The following TTC28 variants were observed in gnomAD, a reference collection of about 807,000 sequenced individuals.
The protein encoded by TTC28 is tetratricopeptide repeat protein 28.
In TTC28, 61 loss-of-function variants were observed where a neutral mutation model predicts 198.0. The ratio of observed to expected loss-of-function variants is 0.31; its 90% CI spans 0.25 to 0.38. The LOEUF (loss-of-function observed/expected upper bound fraction) is 0.38, where lower values mean the gene tolerates loss of function less well. Among genes scored for constraint, TTC28 ranks in the 10% least tolerant of loss-of-function variants. The pLI is 1.00. For synonymous variants in TTC28, 1,171 were observed against 1,297.8 expected (o/e 0.90, Z 2.10); for missense variants, 2,678 against 3,164.0 (o/e 0.85, Z 3.69).
At chr22:28,656,203 A>C (rs1190281289) in intron 1 of TTC28, among the ~76,000 whole-genome samples, 1 of 152,174 alleles carries the variant, frequency 6.6e-6, no homozygotes, top group Non-Finnish European at 1.5e-5. Flanking sequence ...TGGTTTTTCT[A>C]ATTTCCCAGG....
At chr22:28,040,766 T>C (rs1385667865) in intron 12 of TTC28, among the ~76,000 whole-genome samples, 1 of 152,084 alleles carries the variant, frequency 6.6e-6, no homozygotes, top group African/African-American at 2.4e-5. Flanking sequence ...AAATAAAGGG[T>C]ATTCAATTAG....
At chr22:28,018,510 C>A (rs73880371) in intron 13 of TTC28, among the ~76,000 whole-genome samples, 13,696 of 152,280 alleles carry the variant, frequency 0.09, 725 homozygotes, top group Non-Finnish European at 0.11. Context: ...CAGCAGCAGC[C>A]TTCGCAGTCC....
At position 28,314,300 on chromosome 22, in the gene TTC28, T is replaced by C. The variant is rs184758261; in HGVS notation, c.382-7657A>G. ...TGGCCTTATTACCCAAAGTAATTTATAGATTCAATGTTAATCTCCATCAAG... is the reference window on the plus strand; with the variant it reads ...TGGCCTTATTACCCAAAGTAATTTACAGATTCAATGTTAATCTCCATCAAG... On this transcript the variant is annotated intron_variant, in intron 2 of 22. Coordinates refer to ENST00000397906, the MANE Select transcript of TTC28 (RefSeq NM_001145418.2). 1.2e-3 allele frequency among the ~76,000 whole-genome samples: 181 copies of C among 152,306 alleles called. 1 individual carries two copies. The highest frequency in any genetic ancestry group is 4.1e-3 in the African/African-American group (171 of 41,580).
intron 13 of TTC28, among the ~76,000 whole-genome samples, chr22:28,023,776 G>A (rs374697138): frequency 7.2e-5 from 11 of 152,172 alleles, no homozygotes; most frequent in African/African-American, 2.7e-4. Flanking sequence ...TGTGGGGCCG[G>A]AGCACTGTCT....
At chr22:28,045,255 T>C (rs1569104667) in intron 12 of TTC28, among the ~76,000 whole-genome samples, 1 of 152,258 alleles carries the variant, frequency 6.6e-6, no homozygotes, top group Non-Finnish European at 1.5e-5. Context: ...TTGGAATATT[T>C]ACCAGCTGAG....
At chr22:28,227,943 A>T (rs561458756) in intron 5 of TTC28, among the ~76,000 whole-genome samples, 23 of 152,338 alleles carry the variant, frequency 1.5e-4, no homozygotes, top group African/African-American at 5.5e-4. Flanking sequence ...ATTATTCACA[A>T]TAGCCCAAAG....
At chr22:28,008,117 C>T (rs1382690794) in intron 14 of TTC28, 1 of 152,342 alleles carries the variant, frequency 6.6e-6, no homozygotes, top group Non-Finnish European at 1.5e-5. Flanking sequence ...ATTTAGAAAA[C>T]AGGCAGCCAC....
At chr22:28,639,011 T>G (rs1360416865) in intron 1 of TTC28, among the ~76,000 whole-genome samples, 36 of 152,212 alleles carry the variant, frequency 2.4e-4, no homozygotes, top group Non-Finnish European at 1.5e-5. Context: ...TACAAAAATG[T>G]AAAAGTTGCA....
intron 5 of TTC28, among the ~76,000 whole-genome samples, chr22:28,188,764 T>C (rs1020992887): frequency 6.6e-6 from 1 of 152,098 alleles, no homozygotes; most frequent in Non-Finnish European, 1.5e-5. Flanking sequence ...GAAGCCCCTG[T>C]GGAAATTGGC....
chr22:28,124,807 C>T (rs1202659915), intron 6 of TTC28, among the ~76,000 whole-genome samples: 1 of 152,302 alleles, frequency 6.6e-6, no homozygotes, highest in Non-Finnish European at 1.5e-5. Context: ...CAGGCTGTCA[C>T]TTCATGCTCC....
intron 2 of TTC28, among the ~76,000 whole-genome samples, chr22:28,342,115 GTTT>G (rs2045841635): frequency 6.6e-6 from 1 of 152,150 alleles, no homozygotes; most frequent in South Asian, 2.1e-4. Flanking sequence ...AGCTAAAATT[GTTT>G]TTTGTGTTAA....
intron 2 of TTC28, among the ~76,000 whole-genome samples, chr22:28,387,974 T>G (rs1193787554): frequency 3.3e-5 from 5 of 152,196 alleles, no homozygotes; most frequent in Non-Finnish European, 7.3e-5. Context: ...TTTTATGGTT[T>G]TAGGTCTAAC....
At chr22:28,469,792 C>A (rs985566500) in intron 2 of TTC28, among the ~76,000 whole-genome samples, 4 of 152,064 alleles carry the variant, frequency 2.6e-5, no homozygotes, top group Middle Eastern at 3.2e-3. Flanking sequence ...TTTGAGCTTC[C>A]AGAACTTTTA....
At chr22:28,030,151 T>C in intron 13 of TTC28, 75 bp downstream of exon 13, 2 of 1,510,020 alleles carry the variant, frequency 1.3e-6, no homozygotes, top group Non-Finnish European at 1.8e-6. Flanking sequence ...GGAAGGAGCA[T>C]CCACTGAAAG....
intron 2 of TTC28, among the ~76,000 whole-genome samples, chr22:28,460,607 GTAGATAGATAGATAGATAGATAGATAGA>G (rs4035771): frequency 0.011 from 1,601 of 144,702 alleles, 35 homozygotes; most frequent in East Asian, 0.085. Flanking sequence ...ATGATTAATG[GTAGATAGATAGATAGATAGATAGATAGA>G]TAGATAGATA....
intron 2 of TTC28, among the ~76,000 whole-genome samples, chr22:28,470,563 T>C (rs990717948): frequency 5.3e-5 from 8 of 152,222 alleles, no homozygotes; most frequent in African/African-American, 1.9e-4. Flanking sequence ...GCTTTAGGTA[T>C]TGTATGTAGA....
chr22:28,636,967 T>G (rs1478444049), intron 1 of TTC28, among the ~76,000 whole-genome samples: 2 of 151,570 alleles, frequency 1.3e-5, no homozygotes. Flanking sequence ...TTTTCCCCCA[T>G]GTTTTCTTCT....
At chr22:28,190,686 G>A (rs8140229) in intron 5 of TTC28, among the ~76,000 whole-genome samples, 36,288 of 151,994 alleles carry the variant, frequency 0.24, 4,531 homozygotes, top group African/African-American at 0.26. Context: ...TCCCACATAG[G>A]AAAAGCCACC....
intron 12 of TTC28, among the ~76,000 whole-genome samples, chr22:28,082,200 T>C (rs1214011170): frequency 6.6e-6 from 1 of 152,232 alleles, no homozygotes; most frequent in Admixed American, 6.5e-5. Flanking sequence ...CATCTGTGAA[T>C]AGAGATAATT....
Sources: gnomAD v4.1 joint callset for allele counts (sites outside exome capture counted in the v4.1 genomes callset) on GRCh38, gnomAD v4.1.1 for gene constraint, MANE v1.5 for transcripts, NCBI Gene and HGNC (gene_info 2026-07-23, HGNC 2026-07-21) for gene names.